The following NELL1 variants were observed in gnomAD, a reference collection of about 807,000 sequenced individuals.
NELL1 encodes the protein neural EGFL like 1, also known as protein kinase C-binding protein NELL1.
A neutral mutation model predicts 107.4 loss-of-function variants in NELL1; 76 were observed. That is an observed-to-expected ratio of 0.71 (90% CI 0.59 to 0.86). The LOEUF (loss-of-function observed/expected upper bound fraction) is 0.86, where lower values mean the gene tolerates loss of function less well. Among genes scored for constraint, NELL1 ranks in the 40% least tolerant of loss-of-function variants. The pLI, the probability that NELL1 is intolerant of heterozygous loss-of-function variation, is 0.00. For synonymous variants in NELL1, 353 were observed against 341.2 expected (o/e 1.03, Z -0.38); for missense variants, 1,024 against 1,005.5 (o/e 1.02, Z -0.25).
At chr11:21,045,675 C>T (rs753445794) in intron 12 of NELL1, among the ~76,000 whole-genome samples, 8 of 152,002 alleles carry the variant, frequency 5.3e-5, no homozygotes, top group Non-Finnish European at 1.2e-4. Flanking sequence ...CATTTCTTAC[C>T]TTTGCTAAAT....
chr11:20,925,682 G>T (rs2134169658), intron 7 of NELL1, among the ~76,000 whole-genome samples: 1 of 152,246 alleles, frequency 6.6e-6, no homozygotes, highest in South Asian at 2.1e-4. Flanking sequence ...TCAACTCTTA[G>T]TTCTTTAGGG....
At chr11:21,414,224 G>T (rs1852446115) in intron 15 of NELL1, among the ~76,000 whole-genome samples, 1 of 152,038 alleles carries the variant, frequency 6.6e-6, no homozygotes, top group Non-Finnish European at 1.5e-5. Flanking sequence ...ATATTTTTAT[G>T]GAAGAAGAGT....
intron 3 of NELL1, among the ~76,000 whole-genome samples, chr11:20,826,711 C>G (rs969492433): frequency 6.6e-6 from 1 of 151,028 alleles, no homozygotes; most frequent in Non-Finnish European, 1.5e-5. Context: ...AGCTGGCCTT[C>G]CCTGAAGTTA....
intron 14 of NELL1, among the ~76,000 whole-genome samples, chr11:21,333,334 T>G (rs1228597431): frequency 2.0e-5 from 3 of 151,994 alleles, no homozygotes; most frequent in African/African-American, 7.2e-5. Context: ...AGGTTACGGT[T>G]AAGGTGAAAT....
At chr11:21,141,036 G>A (rs980737385) in intron 13 of NELL1, among the ~76,000 whole-genome samples, 1 of 152,116 alleles carries the variant, frequency 6.6e-6, no homozygotes, top group Admixed American at 6.5e-5. Flanking sequence ...GAAATGAAGT[G>A]CTCTGGAAGA....
chr11:20,801,566 A>C (rs1025192854), intron 3 of NELL1, among the ~76,000 whole-genome samples: 1 of 152,096 alleles, frequency 6.6e-6, no homozygotes, highest in Non-Finnish European at 1.5e-5. Flanking sequence ...TTCCGTAAAG[A>C]GGTTTTTTAA....
intron 12 of NELL1, among the ~76,000 whole-genome samples, chr11:21,090,247 A>G (rs1012088010): frequency 1.3e-5 from 2 of 152,196 alleles, no homozygotes; most frequent in African/African-American, 4.8e-5. Flanking sequence ...GTATTCAACG[A>G]CCTCATTTGT....
At chr11:21,231,858 G>T (rs1407000615) in intron 14 of NELL1, among the ~76,000 whole-genome samples, 1 of 152,122 alleles carries the variant, frequency 6.6e-6, no homozygotes, top group Non-Finnish European at 1.5e-5. Flanking sequence ...GAAAAGTCTT[G>T]TGTTTTATAA....
At chr11:20,742,737 G>A (rs1183321944) in intron 2 of NELL1, among the ~76,000 whole-genome samples, 4 of 151,956 alleles carry the variant, frequency 2.6e-5, no homozygotes, top group African/African-American at 9.7e-5. Context: ...CCTCCTACTG[G>A]GTCCCTCCCA....
intron 12 of NELL1, among the ~76,000 whole-genome samples, chr11:21,052,904 A>G (rs1012204040): frequency 1.4e-4 from 22 of 152,092 alleles, no homozygotes; most frequent in African/African-American, 5.3e-4. Flanking sequence ...GGCAGGACCA[A>G]ATCAGGTGGG....
chr11:21,368,237 C>T, intron 14 of NELL1, among the ~76,000 whole-genome samples: 1 of 151,744 alleles, frequency 6.6e-6, no homozygotes, highest in East Asian at 1.9e-4. Context: ...TAATGTGTGC[C>T]TAGATTGGGA....
chr11:21,067,330 G>T (rs1434771768), intron 12 of NELL1, among the ~76,000 whole-genome samples: 2 of 152,092 alleles, frequency 1.3e-5, no homozygotes, highest in African/African-American at 4.8e-5. Context: ...CTGCTTGGGA[G>T]AGTTAAAACC....
intron 2 of NELL1, among the ~76,000 whole-genome samples, chr11:20,742,670 G>T (rs1342401265): frequency 1.3e-5 from 2 of 152,136 alleles, no homozygotes; most frequent in African/African-American, 2.4e-5. Context: ...GATCTCATGA[G>T]ACTTATTCAC....
At chr11:21,362,323 G>A (rs560307405) in intron 14 of NELL1, among the ~76,000 whole-genome samples, 34 of 152,300 alleles carry the variant, frequency 2.2e-4, no homozygotes, top group Admixed American at 4.6e-4. Flanking sequence ...GAGGGGGTCT[G>A]CAAAAGTCCT....
intron 10 of NELL1, among the ~76,000 whole-genome samples, chr11:20,939,234 A>G (rs917557902): frequency 2.0e-5 from 3 of 151,976 alleles, no homozygotes; most frequent in Non-Finnish European, 4.4e-5. Flanking sequence ...GGTTCCTGGT[A>G]GAGTTGCAGG....
chr11:21,031,529 C>A (rs1325667240), intron 12 of NELL1, among the ~76,000 whole-genome samples: 1 of 152,184 alleles, frequency 6.6e-6, no homozygotes. Context: ...ACCACTCTGC[C>A]TGTTTCCCTT....
At chr11:21,125,593 T>A (rs1306846032) in intron 13 of NELL1, among the ~76,000 whole-genome samples, 1 of 152,174 alleles carries the variant, frequency 6.6e-6, no homozygotes, top group Non-Finnish European at 1.5e-5. Flanking sequence ...TATAACTGAG[T>A]TCTAAATTGT....
chr11:21,087,531 G>C (rs1306148168), intron 12 of NELL1, among the ~76,000 whole-genome samples: 4 of 152,108 alleles, frequency 2.6e-5, no homozygotes, highest in Non-Finnish European at 5.9e-5. Flanking sequence ...ATTATGTTAA[G>C]GCCAGTAAGA....
intron 3 of NELL1, among the ~76,000 whole-genome samples, chr11:20,843,215 C>A (rs1333664728): frequency 6.6e-6 from 1 of 152,056 alleles, no homozygotes; most frequent in African/African-American, 2.4e-5. Context: ...GAAAGGGTAT[C>A]TTCTTGTTTC....
Sources: allele counts gnomAD v4.1 joint callset (sites outside exome capture counted in the v4.1 genomes callset), GRCh38; gene constraint gnomAD v4.1.1; transcripts MANE v1.5; gene names NCBI Gene and HGNC (gene_info 2026-07-23, HGNC 2026-07-21).